SVOP: variants seen among roughly 807,000 people sequenced by gnomAD.
SVOP encodes the protein SV2 related protein.
A neutral mutation model predicts 69.1 loss-of-function variants in SVOP; 17 were observed. The observed-to-expected ratio is 0.25, with a 90% CI of 0.17 to 0.37. The LOEUF is 0.37. Among genes scored for constraint, SVOP ranks in the 10% least tolerant of loss-of-function variants. The pLI, the probability that SVOP is intolerant of heterozygous loss-of-function variation, is 1.00. For missense variants in SVOP, 435 were observed against 597.5 expected (o/e 0.73, Z 2.84); for synonymous variants, 238 against 238.6 (o/e 1.00, Z 0.02).
chr12:109,009,984 A>C (rs2040331506), intron 1 of SVOP, among the ~76,000 whole-genome samples: 1 of 152,030 alleles, frequency 6.6e-6, no homozygotes, highest in Non-Finnish European at 1.5e-5. Flanking sequence ...CAGCCTGGGC[A>C]GGGTAGCTCA....
chr12:108,913,914 G>C (rs749084803), intron 15 of SVOP, among the ~76,000 whole-genome samples: 1 of 152,170 alleles, frequency 6.6e-6, no homozygotes, highest in Non-Finnish European at 1.5e-5. Flanking sequence ...GCCTCCCAAA[G>C]TGCTGGGATT....
chr12:108,993,924 A>T (rs1051232463), intron 1 of SVOP, among the ~76,000 whole-genome samples: 5 of 152,202 alleles, frequency 3.3e-5, no homozygotes, highest in African/African-American at 7.2e-5. Flanking sequence ...AGGTCAATGG[A>T]TCAGTACCCT....
chr12:108,940,727 A>C, intron 8 of SVOP, 57 bp downstream of exon 8: 1 of 1,521,104 alleles, frequency 6.6e-7, no homozygotes. Context: ...CCACCAAAAT[A>C]GAGTGGACAG....
rs1041016443 is a variant in SVOP at position 108,985,776 on chromosome 12, T to TAA, written c.36-2017_36-2016dup. ...ACATTTGATCCATGTTTTTAAAAGG[T>TAA]AAAAAAAAGAGAAATATTTAAGTTC... On this transcript the variant is annotated intron_variant, in intron 1 of 15. Coordinates refer to ENST00000610966, the MANE Select transcript of SVOP (RefSeq NM_018711.5). Among the ~76,000 whole-genome samples the TAA allele has an allele frequency of 2.0e-3, 299 of 151,918 alleles. 4 individuals are homozygous for TAA. Among genetic ancestry groups the TAA allele is most frequent in the African/African-American group, 7.0e-3 (291 of 41,444 alleles).
rs1229007510 is a variant in SVOP at position 109,019,013 on chromosome 12, C to G, written c.35+1821G>C. On this transcript the variant is annotated intron_variant, in intron 1 of 15. Coordinates refer to ENST00000610966, the MANE Select transcript of SVOP (RefSeq NM_018711.5). The stretch of plus-strand genomic sequence containing the variant: ...GGAAGTGGCATAGTAAGGATTTGAA[C>G]CCAAGTATGTCTGATTCAAGAGATA... 2.6e-5 allele frequency among the ~76,000 whole-genome samples: 4 copies of G among 152,198 alleles called. No homozygotes were observed. The East Asian group carries it at 7.7e-4, about 29-fold the overall frequency.
At chr12:109,020,769 C>A (rs1593213598) in intron 1 of SVOP, 65 bp downstream of exon 1, 5 of 470,634 alleles carry the variant, frequency 1.1e-5, no homozygotes, top group Non-Finnish European at 1.7e-5. Context: ...CCCCCACCCC[C>A]CTTGCAGGTT....
chr12:108,980,472 G>T (rs1372464030), intron 2 of SVOP, among the ~76,000 whole-genome samples: 1 of 152,180 alleles, frequency 6.6e-6, no homozygotes, highest in Admixed American at 6.5e-5. Context: ...AATACAGCCA[G>T]GTGTGGTGGC....
intron 7 of SVOP, among the ~76,000 whole-genome samples, chr12:108,944,844 ACATACCCTTC>A (rs1430678757): frequency 3.9e-5 from 6 of 152,160 alleles, no homozygotes; most frequent in Admixed American, 3.9e-4. Context: ...TTCAAGAAAA[ACATACCCTTC>A]CATACCCTTG....
intron 2 of SVOP, among the ~76,000 whole-genome samples, chr12:108,982,198 T>C (rs2040139863): frequency 6.6e-6 from 1 of 151,200 alleles, no homozygotes. Flanking sequence ...ATCACCATCA[T>C]CATGATCTCC....
intron 14 of SVOP, among the ~76,000 whole-genome samples, chr12:108,917,791 C>A (rs547900970): frequency 6.6e-6 from 1 of 151,974 alleles, no homozygotes; most frequent in Non-Finnish European, 1.5e-5. Flanking sequence ...TACAGGTGTG[C>A]GCCACCACAG....
chr12:108,972,554 T>C, intron 4 of SVOP, 78 bp from the exon 5 acceptor site: 1 of 1,400,496 alleles, frequency 7.1e-7, no homozygotes, highest in Non-Finnish European at 9.8e-7. Flanking sequence ...ACGGAAGTGG[T>C]GACGTCACCC....
At chr12:108,929,585 G>A (rs531669804) in intron 11 of SVOP, among the ~76,000 whole-genome samples, 140 of 152,224 alleles carry the variant, frequency 9.2e-4, no homozygotes, top group Middle Eastern at 3.4e-3. Context: ...CTGGGATTAC[G>A]AGTATGAGCC....
At chr12:108,952,091 C>A (rs991405093) in intron 6 of SVOP, among the ~76,000 whole-genome samples, 2 of 152,090 alleles carry the variant, frequency 1.3e-5, no homozygotes, top group African/African-American at 4.8e-5. Flanking sequence ...TGAGCAAGTC[C>A]CATGGAGTCT....
At chr12:109,014,156 C>T (rs6606699) in intron 1 of SVOP, among the ~76,000 whole-genome samples, 28,496 of 151,586 alleles carry the variant, frequency 0.19, 2,954 homozygotes, top group Non-Finnish European at 0.23. Flanking sequence ...GCTGGGATTA[C>T]AGGTGCATGC....
intron 1 of SVOP, among the ~76,000 whole-genome samples, chr12:109,020,564 G>A (rs2040391059): frequency 6.6e-6 from 1 of 152,168 alleles, no homozygotes; most frequent in Non-Finnish European, 1.5e-5. Context: ...TTTTAGGATT[G>A]AGAGCAATTA....
intron 6 of SVOP, among the ~76,000 whole-genome samples, chr12:108,955,397 C>T (rs2039979742): frequency 6.6e-6 from 1 of 152,224 alleles, no homozygotes; most frequent in South Asian, 2.1e-4. Context: ...ACATTGTCCA[C>T]AAGTCCCTGC....
intron 15 of SVOP, among the ~76,000 whole-genome samples, chr12:108,915,160 G>A (rs1424887012): frequency 7.2e-6 from 1 of 138,432 alleles, no homozygotes; most frequent in Non-Finnish European, 1.6e-5. Flanking sequence ...GTGACAAAGC[G>A]AGACTCCATC....
At chr12:108,923,141 C>T (rs1477598146) in intron 11 of SVOP, among the ~76,000 whole-genome samples, 2 of 152,232 alleles carry the variant, frequency 1.3e-5, no homozygotes, top group African/African-American at 2.4e-5. Context: ...ATGATCCCCA[C>T]TTCCTGGTAG....
intron 12 of SVOP, 38 bp from the exon 13 acceptor site, chr12:108,919,824 G>A (rs1446411459): frequency 4.2e-6 from 6 of 1,412,748 alleles, no homozygotes; most frequent in Non-Finnish European, 5.9e-6. Flanking sequence ...AGCTTCCGAT[G>A]TGATTCCCAA....
Sources: gnomAD v4.1 joint callset for allele counts (sites outside exome capture counted in the v4.1 genomes callset) on GRCh38, gnomAD v4.1.1 for gene constraint, MANE v1.5 for transcripts, NCBI Gene and HGNC (gene_info 2026-07-23, HGNC 2026-07-21) for gene names.